Variants in DENND3 observed in about 807,000 individuals in gnomAD.
DENND3 encodes the protein DENN domain-containing protein 3.
Under a neutral mutation model 135.1 loss-of-function variants are expected in DENND3, and 88 were observed. The ratio of observed to expected loss-of-function variants is 0.65; its 90% CI spans 0.55 to 0.78. DENND3 has a LOEUF of 0.78. Ranked by LOEUF, DENND3 falls within the 30% of genes least tolerant of loss-of-function variation. The pLI, the probability that DENND3 is intolerant of heterozygous loss-of-function variation, is 0.00. For synonymous variants in DENND3, 693 were observed against 712.3 expected (o/e 0.97, Z 0.43); for missense variants, 1,392 against 1,688.4 (o/e 0.82, Z 3.08).
intron 1 of DENND3, chr8:141,129,647 C>T (rs1165641775): frequency 1.3e-5 from 2 of 152,228 alleles, no homozygotes; most frequent in African/African-American, 4.8e-5. Context: ...CCTAGAGATC[C>T]CGGCGTCACT....
intron 5 of DENND3, among the ~76,000 whole-genome samples, chr8:141,145,832 TATATATA>T (rs1818009853): frequency 3.6e-5 from 3 of 82,796 alleles, no homozygotes; most frequent in African/African-American, 2.6e-4. Flanking sequence ...TATATATATA[TATATATA>T]TATATATATA....
chr8:141,188,268 G>C (rs1271352050), intron 18 of DENND3: 1 of 152,270 alleles, frequency 6.6e-6, no homozygotes, highest in Non-Finnish European at 1.5e-5. Flanking sequence ...ATTTCAAAGA[G>C]TCTAAAAGCA....
chr8:141,165,322 C>G (rs757254607), intron 11 of DENND3, 33 bp downstream of exon 11: 2 of 1,551,122 alleles, frequency 1.3e-6, no homozygotes, highest in East Asian at 4.5e-5. Flanking sequence ...ATCTGCAGCT[C>G]TTTAGGAATC....
rs1244266767 is a variant in DENND3, at chr8:141,168,779, G to C, written c.2275+254G>C. ...TTGCCCAGGCTGGTCTCGAACTCCT[G>C]GGCTCAAGTGATCCACCCACCTCGG... On this transcript the variant is annotated intron_variant, in intron 13 of 22. Coordinates refer to ENST00000519811, the MANE Select transcript of DENND3 (RefSeq NM_001352890.3). The surrounding 1 kb of genome is among the most constrained non-coding windows in gnomAD (Gnocchi z 6.2). Among the ~76,000 whole-genome samples the C allele has an allele frequency of 6.6e-6, 1 of 152,068 alleles. No individual in the cohort carries two copies. The highest frequency in any genetic ancestry group is 1.5e-5 in the Non-Finnish European group (1 of 67,994).
rs1820803672 is a variant in DENND3, at chr8:141,166,414, G to A, written c.1753+25G>A. On this transcript the variant is annotated intron_variant, in intron 12 of 22. Coordinates refer to ENST00000519811, the MANE Select transcript of DENND3 (RefSeq NM_001352890.3). The surrounding 1 kb of genome is among the most constrained non-coding windows in gnomAD (Gnocchi z 4.3). The stretch of plus-strand genomic sequence containing the variant: ...GGTGAGGGCTGCCCCCCACTGTGGT[G>A]CTGTGTGTCGGTCCCACCATTCCTG... The A allele has an allele frequency of 1.9e-6, 3 of 1,596,720 alleles. No homozygotes were observed. Among genetic ancestry groups the A allele is most frequent in the African/African-American group, 1.3e-5 (1 of 74,662 alleles).
At chr8:141,169,919 C>T (rs1821307042) in intron 13 of DENND3, among the ~76,000 whole-genome samples, 1 of 152,248 alleles carries the variant, frequency 6.6e-6, no homozygotes, top group Non-Finnish European at 1.5e-5. Context: ...AGTGGTGTCG[C>T]ACCTGTTTCC....
intron 13 of DENND3, among the ~76,000 whole-genome samples, chr8:141,172,868 G>A (rs1266403133): frequency 1.3e-5 from 2 of 151,594 alleles, no homozygotes; most frequent in Non-Finnish European, 2.9e-5. Flanking sequence ...CTATGATCAC[G>A]CCACTGCACT....
intron 7 of DENND3, among the ~76,000 whole-genome samples, chr8:141,155,159 G>A (rs952643945): frequency 1.3e-5 from 2 of 152,090 alleles, no homozygotes; most frequent in African/African-American, 4.8e-5. Flanking sequence ...CTCAGTTTTG[G>A]GATGATGAAA....
rs1018844808 is a variant in DENND3 at position 141,168,969 on chromosome 8, C to T, written c.2275+444C>T. On this transcript the variant is annotated intron_variant, in intron 13 of 22. Transcript: ENST00000519811. This position sits in a 1 kb window ranked among gnomAD's most constrained non-coding sequence, Gnocchi z 6.2. ...TGCCTCCTGGGTTCAAGTGATTCTC[C>T]TGTCTTAACCTCCTGAGTAGCTGGG... is the stretch of plus-strand genomic sequence containing the variant. Among the ~76,000 whole-genome samples, 1 of 152,216 alleles carries T rather than the reference C, an allele frequency of 6.6e-6. No homozygotes were observed. The highest frequency in any genetic ancestry group is 1.5e-5 in the Non-Finnish European group (1 of 68,040).
Position 141,130,007 on chromosome 8 carries a change from T to C in DENND3, c.102+1198T>C, listed in dbSNP as rs555622936. ...CTCTGTCTCCTCGCAACGTCATCGATTGATTTGTCTCCCTACCTCGAATTT... is the reference window on the plus strand; with the variant it reads ...CTCTGTCTCCTCGCAACGTCATCGACTGATTTGTCTCCCTACCTCGAATTT... On this transcript the variant is annotated intron_variant, in intron 1 of 22. Coordinates refer to ENST00000519811, the MANE Select transcript of DENND3 (RefSeq NM_001352890.3). The surrounding 1 kb of genome is among the most constrained non-coding windows in gnomAD (Gnocchi z 4.2). 4 of 152,402 alleles carry C rather than the reference T, an allele frequency of 2.6e-5. No homozygotes were observed. Among genetic ancestry groups the C allele is most frequent in the South Asian group, 4.1e-4 (2 of 4,834 alleles). 9.4% of individuals were successfully genotyped at this position (152,402 alleles called of 1,614,324 possible). A position where few individuals can be genotyped will look rare whatever the true frequency, so the allele number is the denominator to read the frequency against.
At chr8:141,192,757 C>T (rs6990186) in intron 22 of DENND3, 94 bp downstream of exon 22, 646,933 of 1,605,618 alleles carry the variant, frequency 0.4, 133,879 homozygotes, top group East Asian at 0.66. Flanking sequence ...CGCACGCCCT[C>T]GTGCCCTCCT....
chr8:141,148,381 G>A (rs979697583), intron 5 of DENND3, among the ~76,000 whole-genome samples: 1 of 152,186 alleles, frequency 6.6e-6, no homozygotes, highest in Non-Finnish European at 1.5e-5. Context: ...GCAAAGACTA[G>A]AAACAGCCCC....
At chr8:141,133,186 C>G (rs1816350968) in intron 1 of DENND3, among the ~76,000 whole-genome samples, 1 of 151,586 alleles carries the variant, frequency 6.6e-6, no homozygotes, top group African/African-American at 2.4e-5. Context: ...GGGGCCTGAG[C>G]CCATGGAAGA....
rs1272499578 is a variant in DENND3, at chr8:141,130,410, T to C, written c.102+1601T>C. Among the ~76,000 whole-genome samples the C allele has an allele frequency of 6.6e-6, 1 of 152,018 alleles. No homozygotes were observed. Among genetic ancestry groups the C allele is most frequent in the Admixed American group, 6.6e-5 (1 of 15,266 alleles). On this transcript the variant is annotated intron_variant, in intron 1 of 22. Transcript: ENST00000519811. This position sits in a 1 kb window ranked among gnomAD's most constrained non-coding sequence, Gnocchi z 4.2. ...AACTAAACACGCTGCAACATTTTCATGTTCCCAGGTCAAGTGAGAGTATGG... is the reference window on the plus strand; with the variant it reads ...AACTAAACACGCTGCAACATTTTCACGTTCCCAGGTCAAGTGAGAGTATGG...
chr8:141,189,769 G>C (rs888128897), intron 19 of DENND3, among the ~76,000 whole-genome samples: 1 of 152,220 alleles, frequency 6.6e-6, no homozygotes, highest in Non-Finnish European at 1.5e-5. Flanking sequence ...TGCTAGTCTG[G>C]AAGCAAAGCT....
intron 5 of DENND3, among the ~76,000 whole-genome samples, chr8:141,149,082 G>A (rs1036744790): frequency 4.6e-5 from 7 of 152,116 alleles, no homozygotes; most frequent in African/African-American, 1.4e-4. Context: ...GGCTAATTTT[G>A]TATTTTTAGT....
chr8:141,186,479 A>G (rs1293847832), intron 18 of DENND3, among the ~76,000 whole-genome samples: 2 of 152,198 alleles, frequency 1.3e-5, no homozygotes, highest in Admixed American at 6.5e-5. Flanking sequence ...ATGAGGCCCA[A>G]CACAAATTTG....
Position 141,167,997 on chromosome 8 carries a change from G to A in DENND3, c.1754-7G>A, listed in dbSNP as rs779971725. 8.4e-5 allele frequency: 135 copies of A among 1,603,218 alleles called. No homozygotes were observed. The South Asian group carries it at 1.4e-3, about 17-fold the overall frequency. ...TAATGGTCTCCTTTTCCCCCTGAAT[G>A]TTTTAGTTCTGAATGTCACGCCGAA... On this transcript the variant is annotated splice_region_variant and splice_polypyrimidine_tract_variant and intron_variant, in intron 12 of 22. Coordinates refer to ENST00000519811, the MANE Select transcript of DENND3 (RefSeq NM_001352890.3). This position sits in a 1 kb window ranked among gnomAD's most constrained non-coding sequence, Gnocchi z 4.1.
intron 14 of DENND3, chr8:141,176,295 A>AAC (rs1822355235): frequency 7.5e-6 from 2 of 267,142 alleles, no homozygotes; most frequent in African/African-American, 4.6e-5. Flanking sequence ...AACAAAAAAA[A>AAC]AAAAACAAAA....
Sources: gnomAD v4.1 joint callset for allele counts (sites outside exome capture counted in the v4.1 genomes callset) on GRCh38, gnomAD v4.1.1 for gene constraint, Gnocchi (gnomAD v3.1) non-coding constraint, MANE v1.5 for transcripts, NCBI Gene and HGNC (gene_info 2026-07-23, HGNC 2026-07-21) for gene names.